The following ITGA1 variants were observed in gnomAD, a reference collection of about 807,000 sequenced individuals.
ITGA1 encodes the protein integrin alpha-1.
In ITGA1, 85 loss-of-function variants were observed where a neutral mutation model predicts 145.9. That is an observed-to-expected ratio of 0.58 (90% CI 0.49 to 0.70). The LOEUF (loss-of-function observed/expected upper bound fraction) is 0.70. Ranked by LOEUF, ITGA1 falls within the 30% of genes least tolerant of loss-of-function variation. ITGA1 has a pLI of 0.00. For missense variants in ITGA1, 1,351 were observed against 1,418.7 expected, an observed-to-expected ratio of 0.95 and a Z score of 0.77; for synonymous variants, 520 against 495.3, an observed-to-expected ratio of 1.05 and a Z score of -0.66.
In ITGA1 at chr5:52,886,771, T is replaced by TTTTTG. The variant is rs569474357; in HGVS notation, c.774-1029_774-1025dup. ...CTGTTCAATTAAATTCAAATTCGGT[T>TTTTTG]TTTTGTTTTGTTTTGTTTTTGAGAC... On this transcript the variant is annotated intron_variant, in intron 7 of 28. Coordinates refer to ENST00000282588, the MANE Select transcript of ITGA1 (RefSeq NM_181501.2). Among the ~76,000 whole-genome samples the TTTTTG allele has an allele frequency of 2.5e-3, 380 of 152,178 alleles. 2 individuals carry two copies. The highest frequency in any genetic ancestry group is 8.8e-3 in the African/African-American group (364 of 41,536).
chr5:52,845,264 C>A (rs1337873023), intron 1 of ITGA1, among the ~76,000 whole-genome samples: 1 of 152,148 alleles, frequency 6.6e-6, no homozygotes, highest in Non-Finnish European at 1.5e-5. Context: ...GAAATTGACC[C>A]TGATTAAAGA....
At chr5:52,853,635 G>T (rs1334656031) in intron 2 of ITGA1, among the ~76,000 whole-genome samples, 2 of 152,120 alleles carry the variant, frequency 1.3e-5, no homozygotes, top group Non-Finnish European at 2.9e-5. Context: ...TGACAGAAAA[G>T]GTAGCCTTAT....
At chr5:52,801,167 G>T in intron 1 of ITGA1, 1 of 1,509,572 alleles carries the variant, frequency 6.6e-7, no homozygotes, top group South Asian at 1.3e-5. Flanking sequence ...CAGAGGGATT[G>T]GTATAAACTA....
At position 52,939,820 on chromosome 5, in the gene ITGA1, A is replaced by G. The variant is rs960853374; in HGVS notation, c.3181-20A>G. The G allele has an allele frequency of 3.3e-6, 5 of 1,511,962 alleles. No individual in the cohort carries two copies. The highest frequency in any genetic ancestry group is 2.7e-5 in the African/African-American group (2 of 72,808). 93.7% of individuals were successfully genotyped at this position (1,511,962 alleles called of 1,614,324 possible). On this transcript the variant is annotated intron_variant, in intron 25 of 28. Coordinates refer to ENST00000282588, the MANE Select transcript of ITGA1 (RefSeq NM_181501.2). ...TAAAACGGCAAGAATACTGATATGT[A>G]TCTCTGGACATTTAAACAGGACTGC...
intron 8 of ITGA1, among the ~76,000 whole-genome samples, chr5:52,891,303 C>T (rs1318168781): frequency 1.4e-5 from 2 of 139,944 alleles, no homozygotes; most frequent in African/African-American, 2.6e-5. Context: ...CCTGTAGTAA[C>T]CACTGATGTG....
intron 2 of ITGA1, among the ~76,000 whole-genome samples, chr5:52,858,862 T>C (rs1749556677): frequency 6.6e-5 from 10 of 152,142 alleles, no homozygotes; most frequent in Admixed American, 6.5e-4. Flanking sequence ...TTTATATACA[T>C]TAACTTATTT....
chr5:52,825,267 T>C (rs1324419656), intron 1 of ITGA1: 1 of 152,246 alleles, frequency 6.6e-6, no homozygotes, highest in Non-Finnish European at 1.5e-5. Context: ...ATTCATGTCA[T>C]AGTATGTATC....
intron 24 of ITGA1, 65 bp from the exon 25 acceptor site, chr5:52,939,525 C>A: frequency 1.9e-6 from 2 of 1,045,524 alleles, no homozygotes; most frequent in Non-Finnish European, 1.5e-6. Flanking sequence ...TACACTACTG[C>A]AGCAAGTCAT....
intron 19 of ITGA1, among the ~76,000 whole-genome samples, chr5:52,927,014 T>C (rs2111882142): frequency 6.6e-6 from 1 of 152,328 alleles, no homozygotes; most frequent in Non-Finnish European, 1.5e-5. Flanking sequence ...TATTTTTACT[T>C]CTTATGGGTA....
intron 1 of ITGA1, among the ~76,000 whole-genome samples, chr5:52,798,435 G>C (rs1748389127): frequency 6.6e-6 from 1 of 152,128 alleles, no homozygotes; most frequent in Non-Finnish European, 1.5e-5. Context: ...AAATTGTGAA[G>C]CCTGTCAGTT....
intron 1 of ITGA1, chr5:52,801,707 C>G (rs1299682068): frequency 6.2e-7 from 1 of 1,614,116 alleles, no homozygotes; most frequent in Admixed American, 1.7e-5. Flanking sequence ...AATGCAGGCA[C>G]CGTTAGGATA....
Position 52,958,846 on chromosome 5 carries a change from T to C in ITGA1, c.*6395T>C, listed in dbSNP as rs1751339004. 2 of 152,136 alleles carry C rather than the reference T, an allele frequency of 1.3e-5. No individual in the cohort carries two copies. The highest frequency in any genetic ancestry group is 4.8e-5 in the African/African-American group (2 of 41,444). The allele number at this position is 152,136 out of a possible 1,614,324, so 9.4% of individuals were successfully genotyped here. A position where few individuals can be genotyped will look rare whatever the true frequency, so the allele number is the denominator to read the frequency against. ...CACTAAAATGACTAACTTAAGGGAATGTGCATTTCTACAAGACTTTAATTG... is the reference window on the plus strand; with the variant it reads ...CACTAAAATGACTAACTTAAGGGAACGTGCATTTCTACAAGACTTTAATTG... On this transcript the variant is annotated 3_prime_UTR_variant, in exon 29 of 29. Coordinates refer to ENST00000282588, the MANE Select transcript of ITGA1 (RefSeq NM_181501.2).
At chr5:52,921,982 A>G (rs948976077) in intron 17 of ITGA1, among the ~76,000 whole-genome samples, 1 of 152,204 alleles carries the variant, frequency 6.6e-6, no homozygotes, top group Admixed American at 6.5e-5. Flanking sequence ...AATCATATTC[A>G]CATCCTTTCC....
At chr5:52,904,067 A>T (rs1750358347) in intron 11 of ITGA1, 1 of 152,624 alleles carries the variant, frequency 6.6e-6, no homozygotes, top group Non-Finnish European at 1.5e-5. Flanking sequence ...ATGTGACTTT[A>T]CAGAAGCAGT....
chr5:52,869,307 T>A (rs1486881677), intron 6 of ITGA1, among the ~76,000 whole-genome samples: 1 of 152,118 alleles, frequency 6.6e-6, no homozygotes, highest in Non-Finnish European at 1.5e-5. Context: ...ATTACAGGCA[T>A]GTGCTACCAT....
rs1176741297 is a variant in ITGA1, at chr5:52,956,991, C to T, written c.*4540C>T. ...GCACATTACAAAAGGCTAAATGCTG[C>T]TGTTTCTAAGTGGAAGCACTGTTGA... On this transcript the variant is annotated 3_prime_UTR_variant, in exon 29 of 29. Coordinates refer to ENST00000282588, the MANE Select transcript of ITGA1 (RefSeq NM_181501.2). The T allele has an allele frequency of 2.0e-5, 3 of 152,154 alleles. No homozygotes were observed. The highest frequency in any genetic ancestry group is 2.9e-5 in the Non-Finnish European group (2 of 68,024). 9.4% of individuals were successfully genotyped at this position (152,154 alleles called of 1,614,324 possible).
At position 52,933,927 on chromosome 5, in the gene ITGA1, C is replaced by T. The variant is rs61757094; in HGVS notation, c.2895C>T (p.Ala965=). ...GTGAATACCACATTTCAATTGCTGC[C>T]AATGAGACAGTCCCTGAAGTTATTA... ...SASEYHISIA[A]NETVPEVINS... is the part of the protein sequence containing the mutation. The change falls in exon 23 of 29, where the codon GCC becomes GCT. Residue 965 remains alanine, a synonymous_variant. Transcript: ENST00000282588. 1.3e-4 allele frequency: 199 copies of T among 1,532,880 alleles called. No homozygotes were observed. The highest frequency in any genetic ancestry group is 3.4e-4 in the Middle Eastern group (2 of 5,862). 95.0% of individuals were successfully genotyped at this position (1,532,880 alleles called of 1,614,324 possible). A position where few individuals can be genotyped will look rare whatever the true frequency, so the allele number is the denominator to read the frequency against.
At chr5:52,794,753 T>C (rs1405803124) in intron 1 of ITGA1, among the ~76,000 whole-genome samples, 2 of 152,004 alleles carry the variant, frequency 1.3e-5, no homozygotes, top group Non-Finnish European at 2.9e-5. Context: ...TTAGCTTTGC[T>C]GGTGGAGGTC....
At chr5:52,841,318 C>T (rs1004889775) in intron 1 of ITGA1, among the ~76,000 whole-genome samples, 1 of 152,150 alleles carries the variant, frequency 6.6e-6, no homozygotes. Flanking sequence ...ATTATGATGT[C>T]ATTTCCAAAT....
Sources: gnomAD v4.1 joint callset for allele counts (sites outside exome capture counted in the v4.1 genomes callset) on GRCh38, gnomAD v4.1.1 for gene constraint, MANE v1.5 for transcripts, NCBI Gene and HGNC (gene_info 2026-07-23, HGNC 2026-07-21) for gene names.